TAGLN3: variants seen among roughly 807,000 people sequenced by gnomAD.
TAGLN3 encodes transgelin-3.
A neutral mutation model predicts 25.4 loss-of-function variants in TAGLN3; 12 were observed. The observed-to-expected ratio is 0.47, with a 90% CI of 0.30 to 0.77. TAGLN3 has a LOEUF of 0.77. Ranked by LOEUF, TAGLN3 falls within the 30% of genes least tolerant of loss-of-function variation. The pLI is 0.06. For missense variants in TAGLN3, 218 were observed against 255.8 expected, an observed-to-expected ratio of 0.85 and a Z score of 1.01; for synonymous variants, 96 against 94.8, an observed-to-expected ratio of 1.01 and a Z score of -0.08.
chr3:112,012,440 G>A (rs940199137), intron 4 of TAGLN3, among the ~76,000 whole-genome samples: 11 of 151,950 alleles, frequency 7.2e-5, no homozygotes, highest in South Asian at 4.2e-4. Flanking sequence ...GTCCTAGTCC[G>A]GATGACAAAT....
intron 3 of TAGLN3, among the ~76,000 whole-genome samples, chr3:112,004,928 C>G (rs1003320494): frequency 6.6e-6 from 1 of 152,110 alleles, no homozygotes; most frequent in Non-Finnish European, 1.5e-5. Context: ...ATCAGATATT[C>G]TCTAATACAA....
intron 3 of TAGLN3, among the ~76,000 whole-genome samples, chr3:112,010,598 T>C (rs2072965153): frequency 1.3e-5 from 2 of 152,256 alleles, no homozygotes; most frequent in African/African-American, 4.8e-5. Context: ...TTCTGTCTGC[T>C]TCTGAAATAC....
rs1576083491 is a variant in TAGLN3 at position 112,013,748 on chromosome 3, A to C, written c.*197A>C. 1 of 739,514 alleles carries C rather than the reference A, an allele frequency of 1.4e-6. No individual in the cohort carries two copies. Among genetic ancestry groups the C allele is most frequent in the African/African-American group, 1.7e-5 (1 of 57,372 alleles). 45.8% of individuals were successfully genotyped at this position (739,514 alleles called of 1,614,324 possible). A position where few individuals can be genotyped will look rare whatever the true frequency, so the allele number is the denominator to read the frequency against. ...CTCCTGTTCATTTAGAACTATGCAA[A>C]GACTCCGCTTCCGTTTTCCTGAGCT... is the stretch of plus-strand genomic sequence containing the variant. On this transcript the variant is annotated 3_prime_UTR_variant, in exon 5 of 5. Coordinates refer to ENST00000478951, the MANE Select transcript of TAGLN3 (RefSeq NM_001008272.2).
intron 3 of TAGLN3, among the ~76,000 whole-genome samples, chr3:112,007,030 A>G (rs2072926193): frequency 6.6e-6 from 1 of 152,206 alleles, no homozygotes; most frequent in African/African-American, 2.4e-5. Flanking sequence ...ACTCTTGCTG[A>G]AAACACTTGC....
At chr3:112,013,367 A>C in intron 4 of TAGLN3, 43 bp from the exon 5 acceptor site, 1 of 1,580,758 alleles carries the variant, frequency 6.3e-7, no homozygotes, top group Non-Finnish European at 8.6e-7. Context: ...AGGATTGGAA[A>C]ACTGTCATAA....
intron 2 of TAGLN3, 22 bp downstream of exon 2, chr3:111,999,624 G>A (rs780228143): frequency 6.2e-7 from 1 of 1,608,338 alleles, no homozygotes; most frequent in African/African-American, 1.3e-5. Context: ...AGCGATCTCG[G>A]TTGCTGGGGC....
At chr3:111,999,701 C>T in intron 2 of TAGLN3, 99 bp downstream of exon 2, 1 of 1,454,018 alleles carries the variant, frequency 6.9e-7, no homozygotes, top group Non-Finnish European at 9.3e-7. Context: ...CTGCTGTTGC[C>T]AAGCTCTATG....
chr3:112,013,358 G>A (rs1038551972), intron 4 of TAGLN3, 52 bp from the exon 5 acceptor site: 1 of 1,573,786 alleles, frequency 6.4e-7, no homozygotes, highest in Non-Finnish European at 8.6e-7. Flanking sequence ...ATCTTGAAAA[G>A]GATTGGAAAA....
chr3:112,013,723 C>T lies in TAGLN3; in HGVS notation c.*172C>T. On this transcript the variant is annotated 3_prime_UTR_variant, in exon 5 of 5. Coordinates refer to ENST00000478951, the MANE Select transcript of TAGLN3 (RefSeq NM_001008272.2). ...AATCCGCGTTGCCTACTGCTGCCAC[C>T]TCCTGTTCATTTAGAACTATGCAAA... The T allele has an allele frequency of 1.1e-6, 1 of 919,380 alleles. No homozygotes were observed. The highest frequency in any genetic ancestry group is 1.7e-6 in the Non-Finnish European group (1 of 577,602). The allele number at this position is 919,380 out of a possible 1,614,324, so 57.0% of individuals were successfully genotyped here. A position where few individuals can be genotyped will look rare whatever the true frequency, so the allele number is the denominator to read the frequency against.
chr3:112,004,424 A>G (rs1051647857), intron 3 of TAGLN3, among the ~76,000 whole-genome samples: 1 of 151,620 alleles, frequency 6.6e-6, no homozygotes, highest in South Asian at 2.1e-4. Flanking sequence ...GAGAGAACAT[A>G]TTAGAGCAAG....
chr3:112,006,427 T>A (rs1016677867), intron 3 of TAGLN3, among the ~76,000 whole-genome samples: 2 of 152,178 alleles, frequency 1.3e-5, no homozygotes, highest in Non-Finnish European at 2.9e-5. Flanking sequence ...CTCCCTTGAC[T>A]GTTGCAATAT....
At chr3:112,009,011 G>A (rs2072948361) in intron 3 of TAGLN3, among the ~76,000 whole-genome samples, 1 of 152,138 alleles carries the variant, frequency 6.6e-6, no homozygotes, top group South Asian at 2.1e-4. Context: ...TATGTCACAT[G>A]GTGAAAGAGG....
Position 112,000,814 on chromosome 3 carries a change from G to C in TAGLN3, c.223G>C (p.Glu75Gln), listed in dbSNP as rs750672425. 10 of 1,614,038 alleles carry C rather than the reference G, an allele frequency of 6.2e-6. No homozygotes were observed. The highest frequency in any genetic ancestry group is 2.7e-5 in the African/African-American group (2 of 74,914). Reference sequence around the variant, plus strand: ...AAATAGTTTATACCCACCAGGACAAGAGCCCATACCCAAGATCTCAGAGTC... The same window carrying C: ...AAATAGTTTATACCCACCAGGACAACAGCCCATACCCAAGATCTCAGAGTC... ...LINSLYPPGQEPIPKISESKM... is the reference protein window; with the variant it reads ...LINSLYPPGQQPIPKISESKM... The change falls in exon 3 of 5, where the codon GAG becomes CAG. Residue 75 changes from glutamate to glutamine, a missense_variant. Physicochemically the swap from Glu to Gln is conservative, Grantham distance 29 (BLOSUM62 2). Transcript: ENST00000478951.
chr3:112,005,981 G>T (rs1448268804), intron 3 of TAGLN3, among the ~76,000 whole-genome samples: 1 of 151,138 alleles, frequency 6.6e-6, no homozygotes, highest in Non-Finnish European at 1.5e-5. Context: ...GGATGGTCTT[G>T]ATCTCCTGAC....
chr3:112,005,195 C>T lies in TAGLN3; in HGVS notation c.355+4249C>T, dbSNP rs557495131. The stretch of plus-strand genomic sequence containing the variant: ...CCTTCTCGGTAAACAGTTCTAATGC[C>T]TCTCTTTTGTAGAATTTTTGTAAGG... On this transcript the variant is annotated intron_variant, in intron 3 of 4. Transcript: ENST00000478951. Among the ~76,000 whole-genome samples the T allele has an allele frequency of 6.6e-5, 10 of 152,180 alleles. No homozygotes were observed. The South Asian group carries it at 1.2e-3, about 19-fold the overall frequency.
intron 3 of TAGLN3, among the ~76,000 whole-genome samples, chr3:112,004,512 G>T (rs2072895743): frequency 6.6e-6 from 1 of 152,106 alleles, no homozygotes; most frequent in Admixed American, 6.5e-5. Flanking sequence ...GAGAGTACAG[G>T]CTCCTGAGTC....
chr3:112,006,322 G>C (rs2072917404), intron 3 of TAGLN3, among the ~76,000 whole-genome samples: 1 of 152,140 alleles, frequency 6.6e-6, no homozygotes, highest in Non-Finnish European at 1.5e-5. Context: ...GAACCCCACT[G>C]TAAGAGCCAC....
chr3:112,003,138 G>A (rs1390532124), intron 3 of TAGLN3, among the ~76,000 whole-genome samples: 1 of 152,214 alleles, frequency 6.6e-6, no homozygotes, highest in Non-Finnish European at 1.5e-5. Flanking sequence ...GGGTTGAACA[G>A]GAGAGCTGTC....
At position 112,013,778 on chromosome 3, in the gene TAGLN3, G is replaced by C. The variant is rs377662613; in HGVS notation, c.*227G>C. On this transcript the variant is annotated 3_prime_UTR_variant, in exon 5 of 5. Transcript: ENST00000478951. ...CCGCTTCCGTTTTCCTGAGCTCCTC[G>C]GGCCCCAGAGTCTCTGTTTGATTAT... 5.0e-6 allele frequency: 3 copies of C among 605,908 alleles called. No individual in the cohort carries two copies. The highest frequency in any genetic ancestry group is 5.6e-5 in the Admixed American group (2 of 35,728). The allele number at this position is 605,908 out of a possible 1,614,324, so 37.5% of individuals were successfully genotyped here. A position where few individuals can be genotyped will look rare whatever the true frequency, so the allele number is the denominator to read the frequency against.
Sources: gnomAD v4.1 joint callset for allele counts (sites outside exome capture counted in the v4.1 genomes callset) on GRCh38, gnomAD v4.1.1 for gene constraint, MANE v1.5 for transcripts, NCBI Gene and HGNC (gene_info 2026-07-23, HGNC 2026-07-21) for gene names.